The following CNTN5 variants were observed in gnomAD, a reference collection of about 807,000 sequenced individuals.
CNTN5 encodes the protein contactin 5.
In CNTN5, 77 loss-of-function variants were observed where a neutral mutation model predicts 129.1. The observed-to-expected ratio is 0.60, with a 90% CI of 0.50 to 0.72. CNTN5 has a LOEUF of 0.72. CNTN5 is among the 30% of genes least tolerant of loss of function. The probability of loss-of-function intolerance (pLI) is 0.00; values close to 1 mark genes in which losing one functional copy is unlikely to be tolerated. For missense variants in CNTN5, 1,478 were observed against 1,328.8 expected, an observed-to-expected ratio of 1.11 and a Z score of -1.75; for synonymous variants, 509 against 465.6, an observed-to-expected ratio of 1.09 and a Z score of -1.20.
chr11:99,943,110 C>A (rs1410764343), intron 7 of CNTN5, among the ~76,000 whole-genome samples: 9 of 152,134 alleles, frequency 5.9e-5, no homozygotes, highest in Admixed American at 5.9e-4. Context: ...GGAATCATCA[C>A]ACTGTCTTCC....
chr11:100,032,192 T>C (rs2137620380), intron 9 of CNTN5, among the ~76,000 whole-genome samples: 1 of 152,294 alleles, frequency 6.6e-6, no homozygotes, highest in South Asian at 2.1e-4. Context: ...GAGAAGGCAG[T>C]CATTCTGAGA....
intron 13 of CNTN5, among the ~76,000 whole-genome samples, chr11:100,117,156 A>G (rs1220325822): frequency 6.6e-6 from 1 of 152,042 alleles, no homozygotes; most frequent in Non-Finnish European, 1.5e-5. Flanking sequence ...TCTGAAAAGG[A>G]AGTAGATTTT....
chr11:100,137,659 C>T (rs1442253499), intron 13 of CNTN5, among the ~76,000 whole-genome samples: 1 of 152,068 alleles, frequency 6.6e-6, no homozygotes, highest in Non-Finnish European at 1.5e-5. Context: ...AATCTAGTCA[C>T]TTATTGAGAA....
In CNTN5 at chr11:99,819,645, C is replaced by G. The variant is rs12292659; in HGVS notation, c.157C>G (p.Arg53Gly). 1 of 1,587,464 alleles carries G rather than the reference C, an allele frequency of 6.3e-7. No homozygotes were observed. Among genetic ancestry groups the G allele is most frequent in the Non-Finnish European group, 8.6e-7 (1 of 1,161,792 alleles). The change falls in exon 4 of 25, where the codon CGA becomes GGA. Residue 53 changes from arginine to glycine, a missense_variant. Arg to Gly is a moderately radical substitution (Grantham distance 125, BLOSUM62 -2). Transcript: ENST00000524871. ...TCTCTTTGGTTCCAAAACCAGACCA[C>G]GATACAGCAGCCCTTCATTAGGAAC... ...SSLFGSKTRP[R>G]YSSPSLGTLS...
At chr11:99,910,652 T>A (rs899677732) in intron 6 of CNTN5, among the ~76,000 whole-genome samples, 1 of 152,120 alleles carries the variant, frequency 6.6e-6, no homozygotes, top group Non-Finnish European at 1.5e-5. Flanking sequence ...CTGCAGTGAA[T>A]TTTTTACTTG....
chr11:99,645,513 A>G (rs7107609), intron 3 of CNTN5, among the ~76,000 whole-genome samples: 90,271 of 150,684 alleles, frequency 0.6, 27,845 homozygotes, highest in Admixed American at 0.69. Context: ...TGTTTATTGG[A>G]GCACTGTTCA....
intron 3 of CNTN5, among the ~76,000 whole-genome samples, chr11:99,655,901 C>T (rs1009512453): frequency 6.6e-6 from 1 of 151,958 alleles, no homozygotes; most frequent in Non-Finnish European, 1.5e-5. Context: ...TATTCAGAGG[C>T]TCCACAATAA....
At chr11:99,796,227 G>C (rs1317627660) in intron 3 of CNTN5, among the ~76,000 whole-genome samples, 1 of 152,142 alleles carries the variant, frequency 6.6e-6, no homozygotes, top group Admixed American at 6.5e-5. Context: ...TTGGGGACAG[G>C]TCTGCTGGAA....
At chr11:100,303,734 C>T (rs1388370622) in intron 20 of CNTN5, among the ~76,000 whole-genome samples, 4 of 151,574 alleles carry the variant, frequency 2.6e-5, no homozygotes, top group Admixed American at 6.6e-5. Context: ...AAATTAAAAC[C>T]TAATATTCCT....
At chr11:100,313,946 T>C (rs1044107131) in intron 21 of CNTN5, among the ~76,000 whole-genome samples, 2 of 152,170 alleles carry the variant, frequency 1.3e-5, no homozygotes, top group Non-Finnish European at 2.9e-5. Context: ...GAAAAGTGCC[T>C]GTTTGGTTTA....
At chr11:99,263,802 T>G (rs1426450008) in intron 1 of CNTN5, among the ~76,000 whole-genome samples, 1 of 151,894 alleles carries the variant, frequency 6.6e-6, no homozygotes, top group African/African-American at 2.4e-5. Context: ...TTTTTTTTTT[T>G]GTAGAGACAG....
intron 13 of CNTN5, among the ~76,000 whole-genome samples, chr11:100,084,805 T>C (rs564002327): frequency 6.6e-6 from 1 of 152,236 alleles, no homozygotes; most frequent in Non-Finnish European, 1.5e-5. Flanking sequence ...ATTTTGTTCC[T>C]CTTTCTTTCC....
intron 1 of CNTN5, among the ~76,000 whole-genome samples, chr11:99,064,172 G>A (rs756221916): frequency 7.2e-5 from 11 of 152,060 alleles, no homozygotes; most frequent in Non-Finnish European, 1.2e-4. Context: ...TCATGCCCTT[G>A]TTGCTTTGCA....
intron 2 of CNTN5, among the ~76,000 whole-genome samples, chr11:99,487,797 C>G (rs1216644716): frequency 6.6e-6 from 1 of 152,168 alleles, no homozygotes; most frequent in Non-Finnish European, 1.5e-5. Flanking sequence ...CTCCTTATAA[C>G]AAAATATATA....
chr11:100,236,491 GT>G (rs1335417858), intron 16 of CNTN5, among the ~76,000 whole-genome samples: 3 of 152,150 alleles, frequency 2.0e-5, no homozygotes, highest in African/African-American at 7.2e-5. Flanking sequence ...ATAAAAGGGG[GT>G]TCTTTTCCTG....
intron 15 of CNTN5, among the ~76,000 whole-genome samples, chr11:100,208,271 C>T (rs1948955907): frequency 6.6e-6 from 1 of 152,112 alleles, no homozygotes; most frequent in South Asian, 2.1e-4. Flanking sequence ...TGTGGGTTGG[C>T]AATGTGGGTT....
chr11:100,262,974 C>T (rs1950235060), intron 17 of CNTN5, among the ~76,000 whole-genome samples: 1 of 152,004 alleles, frequency 6.6e-6, no homozygotes, highest in Admixed American at 6.6e-5. Context: ...TTACACTGCA[C>T]AGCATTTTAA....
chr11:100,007,828 C>T (rs1940289729), intron 9 of CNTN5, among the ~76,000 whole-genome samples: 1 of 151,878 alleles, frequency 6.6e-6, no homozygotes, highest in African/African-American at 2.4e-5. Flanking sequence ...TGAGCACAGG[C>T]CTAGCTTTCA....
At chr11:100,176,505 A>G (rs2138430012) in intron 13 of CNTN5, among the ~76,000 whole-genome samples, 1 of 152,230 alleles carries the variant, frequency 6.6e-6, no homozygotes, top group South Asian at 2.1e-4. Context: ...CTTGTCTATT[A>G]AGGAAAAATG....
Sources: allele counts gnomAD v4.1 joint callset (sites outside exome capture counted in the v4.1 genomes callset), GRCh38; gene constraint gnomAD v4.1.1; transcripts MANE v1.5; gene names NCBI Gene and HGNC (gene_info 2026-07-23, HGNC 2026-07-21).